The following DLGAP2 variants were observed in gnomAD, a reference collection of about 807,000 sequenced individuals.
DLGAP2 encodes the protein DLG associated protein 2.
In DLGAP2, 26 loss-of-function variants were observed where a neutral mutation model predicts 100.3. The ratio of observed to expected loss-of-function variants is 0.26; its 90% confidence interval spans 0.19 to 0.36. The LOEUF is 0.36. Ranked by LOEUF, DLGAP2 falls within the 10% of genes least tolerant of loss-of-function variation. The pLI, the probability that DLGAP2 is intolerant of heterozygous loss-of-function variation, is 1.00. For synonymous variants in DLGAP2, 886 were observed against 630.1 expected (o/e 1.41, Z -6.08); for missense variants, 1,858 against 1,453.2 (o/e 1.28, Z -4.53).
chr8:757,198 A>C (rs1025010768), intron 1 of DLGAP2, among the ~76,000 whole-genome samples: 1 of 151,998 alleles, frequency 6.6e-6, no homozygotes, highest in East Asian at 1.9e-4. Flanking sequence ...GCTCCAAAAA[A>C]TTCTTCCCTC....
intron 5 of DLGAP2, among the ~76,000 whole-genome samples, chr8:1,559,392 C>G (rs1802082307): frequency 6.6e-6 from 1 of 152,200 alleles, no homozygotes; most frequent in East Asian, 1.9e-4. Flanking sequence ...TTTGCTGAGG[C>G]AGGCTGGCAT....
At chr8:1,464,930 A>C (rs1798581395) in intron 3 of DLGAP2, among the ~76,000 whole-genome samples, 1 of 152,160 alleles carries the variant, frequency 6.6e-6, no homozygotes, top group Non-Finnish European at 1.5e-5. Flanking sequence ...AAAAGCACAA[A>C]CCATGTGAGG....
intron 3 of DLGAP2, among the ~76,000 whole-genome samples, chr8:1,490,192 AT>A (rs896147767): frequency 2.0e-5 from 3 of 152,086 alleles, no homozygotes; most frequent in African/African-American, 7.2e-5. Context: ...GCCCGGCTTC[AT>A]TTTTTTTGAA....
chr8:1,288,107 G>GCAT, intron 3 of DLGAP2, among the ~76,000 whole-genome samples: 1 of 143,918 alleles, frequency 6.9e-6, no homozygotes, highest in South Asian at 2.3e-4. Context: ...GTGCGTGTGT[G>GCAT]GTTCTGTTAG....
intron 2 of DLGAP2, among the ~76,000 whole-genome samples, chr8:1,215,294 A>G (rs1300378046): frequency 2.6e-5 from 4 of 152,254 alleles, no homozygotes; most frequent in African/African-American, 7.2e-5. Context: ...TCTTCTTGAC[A>G]TGTCAGCACC....
chr8:1,362,887 C>T (rs1367681701), intron 3 of DLGAP2, among the ~76,000 whole-genome samples: 1 of 152,174 alleles, frequency 6.6e-6, no homozygotes, highest in East Asian at 1.9e-4. Context: ...TGTCTTTTCC[C>T]TTCTCTTCTC....
At position 1,549,500 on chromosome 8, in the gene DLGAP2, C is replaced by G. The variant is rs763324986; in HGVS notation, c.1047C>G (p.Val349=). 3.7e-6 allele frequency: 6 copies of G among 1,613,538 alleles called. No individual in the cohort carries two copies. The Admixed American group carries it at 1.0e-4, about 27-fold the overall frequency. Residue 349 remains valine, a synonymous_variant, in exon 5 of 15, where the codon GTC becomes GTG. Transcript: ENST00000637795. ...AGACCTCCAAGAGCAACAACGACGT[C>G]AAGTGCTCGGCCTGTGAGGGGTTGG... ...SLKTSKSNND[V]KCSACEGLAL...
chr8:1,348,882 G>T (rs1011066774), intron 3 of DLGAP2, among the ~76,000 whole-genome samples: 1 of 152,156 alleles, frequency 6.6e-6, no homozygotes, highest in Non-Finnish European at 1.5e-5. Context: ...TGTGCCTTTG[G>T]AATCTTGTGG....
chr8:1,175,807 G>A (rs1797239681), intron 2 of DLGAP2, among the ~76,000 whole-genome samples: 1 of 152,166 alleles, frequency 6.6e-6, no homozygotes, highest in Non-Finnish European at 1.5e-5. Flanking sequence ...ACTTATTTGG[G>A]CATGTAGTAT....
At chr8:844,640 C>G (rs535278782) in intron 1 of DLGAP2, among the ~76,000 whole-genome samples, 1 of 152,338 alleles carries the variant, frequency 6.6e-6, no homozygotes, top group Admixed American at 6.5e-5. Context: ...ATGGGGACTC[C>G]AAACCACATG....
intron 5 of DLGAP2, among the ~76,000 whole-genome samples, chr8:1,562,638 C>T (rs1327176815): frequency 2.1e-5 from 1 of 47,786 alleles, no homozygotes; most frequent in East Asian, 7.1e-4. Context: ...TTGGGGTGTC[C>T]GCGCCTCGTT....
chr8:1,592,821 T>C (rs112711356), intron 6 of DLGAP2, among the ~76,000 whole-genome samples: 1,671 of 152,338 alleles, frequency 0.011, 42 homozygotes, highest in African/African-American at 0.038. Context: ...CAGACTTCTC[T>C]GTGAGCATCA....
At chr8:883,752 G>T (rs1797865804) in intron 1 of DLGAP2, among the ~76,000 whole-genome samples, 1 of 152,140 alleles carries the variant, frequency 6.6e-6, no homozygotes, top group South Asian at 2.1e-4. Flanking sequence ...GTGGTGGTTT[G>T]CTGCACCTAT....
chr8:1,300,672 C>G (rs1336020800), intron 3 of DLGAP2: 2 of 152,222 alleles, frequency 1.3e-5, no homozygotes, highest in African/African-American at 4.8e-5. Context: ...TAAGCTGCAG[C>G]TTCCTGGACG....
intron 8 of DLGAP2, among the ~76,000 whole-genome samples, chr8:1,663,081 G>T (rs986056386): frequency 7.8e-6 from 1 of 128,124 alleles, no homozygotes; most frequent in Admixed American, 8.7e-5. Context: ...GTGTGCGTTT[G>T]TACATGTGTG....
At chr8:1,475,307 A>C (rs761598796) in intron 3 of DLGAP2, among the ~76,000 whole-genome samples, 2 of 152,098 alleles carry the variant, frequency 1.3e-5, no homozygotes, top group Non-Finnish European at 2.9e-5. Context: ...CCTCAATTCT[A>C]AAATAAACGT....
intron 3 of DLGAP2, among the ~76,000 whole-genome samples, chr8:1,448,699 A>T (rs1798052093): frequency 6.6e-6 from 1 of 152,180 alleles, no homozygotes; most frequent in Non-Finnish European, 1.5e-5. Flanking sequence ...AGACTTTGAT[A>T]GTTCTTTGCT....
chr8:799,154 T>A (rs1796096631), intron 1 of DLGAP2, among the ~76,000 whole-genome samples: 1 of 152,074 alleles, frequency 6.6e-6, no homozygotes, highest in Admixed American at 6.6e-5. Context: ...AGAATCCGAG[T>A]GTCTTTGGGA....
chr8:864,458 A>C (rs1473435042), intron 1 of DLGAP2, among the ~76,000 whole-genome samples: 1 of 152,246 alleles, frequency 6.6e-6, no homozygotes, highest in Admixed American at 6.5e-5. Flanking sequence ...GAATAAGTAC[A>C]ACTATTGTGA....
Sources: gnomAD v4.1 joint callset for allele counts (sites outside exome capture counted in the v4.1 genomes callset) on GRCh38, gnomAD v4.1.1 for gene constraint, MANE v1.5 for transcripts, NCBI Gene and HGNC (gene_info 2026-07-23, HGNC 2026-07-21) for gene names.